Variants in XRRA1 observed in about 807,000 individuals in gnomAD.
XRRA1 encodes the protein X-ray radiation resistance associated 1.
In XRRA1, 69 loss-of-function variants were observed where a neutral mutation model predicts 80.2. The observed-to-expected ratio is 0.86, with a 90% CI of 0.71 to 1.05. XRRA1 has a LOEUF of 1.05. Among genes scored for constraint, XRRA1 ranks in the 50% least tolerant of loss-of-function variants. The probability of loss-of-function intolerance (pLI) is 0.00; values close to 1 mark genes in which losing one functional copy is unlikely to be tolerated. For missense variants in XRRA1, 967 were observed against 976.4 expected, an observed-to-expected ratio of 0.99 and a Z score of 0.13; for synonymous variants, 348 against 389.9, an observed-to-expected ratio of 0.89 and a Z score of 1.27.
chr11:74,853,356 G>A (rs780597139), intron 12 of XRRA1, among the ~76,000 whole-genome samples: 3 of 152,154 alleles, frequency 2.0e-5, no homozygotes, highest in Admixed American at 6.5e-5. Flanking sequence ...TCTAGCACAC[G>A]GATTTTATCT....
At chr11:74,911,975 A>G (rs1212604498) in intron 8 of XRRA1, among the ~76,000 whole-genome samples, 3 of 152,192 alleles carry the variant, frequency 2.0e-5, no homozygotes, top group Non-Finnish European at 4.4e-5. Context: ...CTCAGGGTGA[A>G]ATTAACCAAA....
At chr11:74,854,305 C>G (rs1468395211) in intron 12 of XRRA1, among the ~76,000 whole-genome samples, 1 of 152,050 alleles carries the variant, frequency 6.6e-6, no homozygotes, top group African/African-American at 2.4e-5. Flanking sequence ...CCTAGGGAGA[C>G]AGTAGGGAGT....
chr11:74,879,657 G>A (rs2046990901), intron 10 of XRRA1, among the ~76,000 whole-genome samples: 3 of 152,138 alleles, frequency 2.0e-5, no homozygotes, highest in Admixed American at 1.3e-4. Flanking sequence ...CTAATTTACT[G>A]AGAGTTTTTA....
intron 10 of XRRA1, among the ~76,000 whole-genome samples, chr11:74,890,996 C>A (rs1425040890): frequency 6.6e-6 from 1 of 152,132 alleles, no homozygotes; most frequent in East Asian, 1.9e-4. Flanking sequence ...TGGTACCATT[C>A]CTTCTGAAAC....
At chr11:74,872,282 T>TA (rs937491036) in intron 10 of XRRA1, among the ~76,000 whole-genome samples, 11 of 152,128 alleles carry the variant, frequency 7.2e-5, no homozygotes, top group African/African-American at 2.7e-4. Context: ...CCTTATCCCC[T>TA]ACTCAGTCAA....
chr11:74,848,601 C>G, intron 14 of XRRA1, 139 bp from the exon 15 acceptor site: 1 of 729,826 alleles, frequency 1.4e-6, no homozygotes, highest in Non-Finnish European at 2.2e-6. Context: ...GGAAATCATA[C>G]TTGTTGGGCA....
intron 5 of XRRA1, among the ~76,000 whole-genome samples, chr11:74,931,105 C>A (rs1943437995): frequency 6.8e-6 from 1 of 147,800 alleles, no homozygotes; most frequent in Admixed American, 6.9e-5. Context: ...CTGCACCCAG[C>A]TCCCATATCT....
chr11:74,863,903 G>C (rs1472905271), intron 10 of XRRA1: 1 of 152,194 alleles, frequency 6.6e-6, no homozygotes, highest in Non-Finnish European at 1.5e-5. Context: ...TGAGTGCTAA[G>C]CAATGAACCC....
At chr11:74,845,398 G>A in intron 15 of XRRA1, 127 bp from the exon 16 acceptor site, 1 of 886,392 alleles carries the variant, frequency 1.1e-6, no homozygotes, top group East Asian at 2.7e-5. Flanking sequence ...GACCAAGACT[G>A]GGATGGAAGA....
intron 10 of XRRA1, among the ~76,000 whole-genome samples, chr11:74,896,245 G>A: frequency 6.6e-6 from 1 of 152,256 alleles, no homozygotes; most frequent in East Asian, 1.9e-4. Context: ...TCCAGACCTA[G>A]GTTCCTGGAC....
intron 8 of XRRA1, among the ~76,000 whole-genome samples, chr11:74,912,196 T>C (rs2056081226): frequency 6.6e-6 from 1 of 152,206 alleles, no homozygotes; most frequent in African/African-American, 2.4e-5. Flanking sequence ...GAAAGGTTTA[T>C]AGTGTTGCAA....
chr11:74,854,980 G>A (rs568861602), intron 12 of XRRA1, among the ~76,000 whole-genome samples: 31 of 152,212 alleles, frequency 2.0e-4, no homozygotes, highest in African/African-American at 4.3e-4. Context: ...AACCCAGGAG[G>A]TGGAGATTGC....
At chr11:74,938,740 AGAGGAAATTTTG>A (rs1945641826) in intron 3 of XRRA1, among the ~76,000 whole-genome samples, 1 of 152,238 alleles carries the variant, frequency 6.6e-6, no homozygotes, top group Non-Finnish European at 1.5e-5. Context: ...TCCTAGAGGA[AGAGGAAATTTTG>A]CTTTAACACT....
At position 74,859,288 on chromosome 11, in the gene XRRA1, G is replaced by C; in HGVS notation, c.1045-5C>G. The C allele has an allele frequency of 6.2e-7, 1 of 1,600,414 alleles. No individual in the cohort carries two copies. Among genetic ancestry groups the C allele is most frequent in the Non-Finnish European group, 8.5e-7 (1 of 1,174,612 alleles). On this transcript the variant is annotated splice_region_variant and splice_polypyrimidine_tract_variant and intron_variant, in intron 11 of 18. Coordinates refer to ENST00000684022, the MANE Select transcript of XRRA1 (RefSeq NM_001378157.1). ...AAGTGAACATATCTTGGTTGTCTTA[G>C]AAAGAAGGAAAAGTCAAAATCAAAG...
chr11:74,849,151 T>G (rs576126482), intron 14 of XRRA1, among the ~76,000 whole-genome samples: 1 of 152,274 alleles, frequency 6.6e-6, no homozygotes, highest in African/African-American at 2.4e-5. Context: ...CCCCTTTACA[T>G]AGTGGATTGT....
At chr11:74,914,523 A>G (rs1385979008) in intron 8 of XRRA1, among the ~76,000 whole-genome samples, 4 of 152,142 alleles carry the variant, frequency 2.6e-5, no homozygotes, top group Non-Finnish European at 5.9e-5. Context: ...TACATCCTGG[A>G]TTTCAATGAT....
At chr11:74,911,835 T>C (rs1254189927) in intron 8 of XRRA1, among the ~76,000 whole-genome samples, 2 of 152,202 alleles carry the variant, frequency 1.3e-5, no homozygotes, top group Non-Finnish European at 2.9e-5. Flanking sequence ...GGCATATACT[T>C]ATCCTGTTGA....
intron 8 of XRRA1, among the ~76,000 whole-genome samples, chr11:74,918,423 A>T (rs1050058604): frequency 1.3e-5 from 2 of 152,212 alleles, no homozygotes; most frequent in African/African-American, 4.8e-5. Context: ...AGAGAAAATA[A>T]TATCATCCAG....
chr11:74,892,089 A>T (rs1198210537), intron 10 of XRRA1, among the ~76,000 whole-genome samples: 4 of 152,206 alleles, frequency 2.6e-5, no homozygotes, highest in Non-Finnish European at 1.5e-5. Flanking sequence ...AAGAGCCCGC[A>T]TCGCCAAGTC....
Sources: gnomAD v4.1 joint callset for allele counts (sites outside exome capture counted in the v4.1 genomes callset) on GRCh38, gnomAD v4.1.1 for gene constraint, MANE v1.5 for transcripts, NCBI Gene and HGNC (gene_info 2026-07-23, HGNC 2026-07-21) for gene names.